GNG2: variants seen among roughly 807,000 people sequenced by gnomAD.
The protein encoded by GNG2 is guanine nucleotide-binding protein G(I)/G(S)/G(O) subunit gamma-2.
In GNG2, 5 loss-of-function variants were observed where a neutral mutation model predicts 5.5. The observed-to-expected ratio is 0.91, with a 90% CI of 0.48 to 1.92. The LOEUF is 1.92. Among genes scored for constraint, GNG2 ranks in the 30% most tolerant of loss-of-function variants. The pLI is 0.01. For synonymous variants in GNG2, 28 were observed against 32.0 expected (o/e 0.88, Z 0.42); for missense variants, 55 against 88.4 (o/e 0.62, Z 1.52).
At chr14:51,829,570 T>C (rs1000587141) in intron 2 of GNG2, among the ~76,000 whole-genome samples, 1 of 152,134 alleles carries the variant, frequency 6.6e-6, no homozygotes, top group African/African-American at 2.4e-5. Context: ...TCCTTATAAA[T>C]AAAAACCCTA....
intron 2 of GNG2, among the ~76,000 whole-genome samples, chr14:51,907,340 C>A (rs887154450): frequency 1.3e-5 from 2 of 152,146 alleles, no homozygotes; most frequent in African/African-American, 2.4e-5. Flanking sequence ...ATAAATCATC[C>A]TACAACTATT....
intron 3 of GNG2, chr14:51,952,121 A>G (rs1175697734): frequency 7.1e-6 from 4 of 566,892 alleles, no homozygotes; most frequent in Admixed American, 6.6e-5. Flanking sequence ...TACTTCTGCT[A>G]AGTCTCATCA....
intron 2 of GNG2, among the ~76,000 whole-genome samples, chr14:51,889,297 G>A (rs144961215): frequency 0.027 from 4,045 of 152,046 alleles, 71 homozygotes; most frequent in Non-Finnish European, 0.04. Context: ...ATTTTTAGTA[G>A]AGACGGGGTT....
intron 1 of GNG2, among the ~76,000 whole-genome samples, chr14:51,869,997 G>C (rs763382928): frequency 6.6e-5 from 10 of 152,182 alleles, no homozygotes; most frequent in Non-Finnish European, 1.0e-4. Flanking sequence ...CCCAGCAAAA[G>C]GGTCTGGTTC....
intron 2 of GNG2, among the ~76,000 whole-genome samples, chr14:51,909,373 C>T (rs1249442900): frequency 6.6e-6 from 1 of 152,156 alleles, no homozygotes; most frequent in African/African-American, 2.4e-5. Flanking sequence ...ATTAAAAATT[C>T]AACAGATATT....
Position 51,911,868 on chromosome 14 carries a change from T to G in GNG2, c.-30+34211T>G, listed in dbSNP as rs1481783428. Reference sequence around the variant, plus strand: ...CCATCCTGATAGCCTTTTCTTATGTTTTTTTTTTTTGTTGTTATTGTTAGA... The same window carrying G: ...CCATCCTGATAGCCTTTTCTTATGTGTTTTTTTTTTGTTGTTATTGTTAGA... On this transcript the variant is annotated intron_variant, in intron 2 of 3. Transcript: ENST00000556766. Among the ~76,000 whole-genome samples the G allele has an allele frequency of 5.5e-5, 6 of 109,540 alleles. 1 individual carries two copies. Among genetic ancestry groups the G allele is most frequent in the African/African-American group, 1.3e-4 (2 of 15,130 alleles). The allele number at this position is 109,540 out of a possible 152,430, so 71.9% of individuals were successfully genotyped here.
rs1889955798 is a variant in GNG2 at position 51,966,962 on chromosome 14, G to GACCCCCCCCCCCC, written c.*275_*276insACCCCCCCCCCCC. 9.4e-6 allele frequency: 1 copy of GACCCCCCCCCCCC among 106,128 alleles called. No individual in the cohort carries two copies. The highest frequency in any genetic ancestry group is 1.8e-5 in the Non-Finnish European group (1 of 54,570). The allele number at this position is 106,128 out of a possible 1,614,324, so 6.6% of individuals were successfully genotyped here. A position where few individuals can be genotyped will look rare whatever the true frequency, so the allele number is the denominator to read the frequency against. On this transcript the variant is annotated 3_prime_UTR_variant, in exon 4 of 4. Coordinates refer to ENST00000556766, the MANE Select transcript of GNG2 (RefSeq NM_053064.5). ...GTCACTTCTTTTCTGCTATCCCCCA[G>GACCCCCCCCCCCC]CCCCCCCCCCAAAATCCTCATGTTT...
chr14:51,887,858 AC>A (rs1884574750), intron 2 of GNG2, among the ~76,000 whole-genome samples: 2 of 152,332 alleles, frequency 1.3e-5, no homozygotes, highest in Admixed American at 1.3e-4. Flanking sequence ...TCATGCAAAT[AC>A]CTTTTTAGGA....
chr14:51,959,795 C>T (rs894939732), intron 3 of GNG2, among the ~76,000 whole-genome samples: 1 of 152,104 alleles, frequency 6.6e-6, no homozygotes, highest in Non-Finnish European at 1.5e-5. Flanking sequence ...CCTACCATCA[C>T]CAACACACTC....
Position 51,951,151 on chromosome 14 carries a change from C to T in GNG2, c.87+386C>T, listed in dbSNP as rs1400257237. On this transcript the variant is annotated intron_variant, in intron 3 of 3. Coordinates refer to ENST00000556766, the MANE Select transcript of GNG2 (RefSeq NM_053064.5). ...TGGTTCAGGTTCTAAGGCTAAATGT[C>T]CGTATTTTGGGTCTAACACTTCTAG... 6.6e-5 allele frequency among the ~76,000 whole-genome samples: 10 copies of T among 152,156 alleles called. No homozygotes were observed. The East Asian group carries it at 1.9e-3, about 29-fold the overall frequency.
intron 2 of GNG2, among the ~76,000 whole-genome samples, chr14:51,945,559 A>G (rs886948949): frequency 1.3e-5 from 2 of 152,160 alleles, no homozygotes; most frequent in African/African-American, 4.8e-5. Flanking sequence ...TTTGATGGGT[A>G]TAGAGTTTCA....
At chr14:51,906,757 C>CTTTTTTTTTTTTTTTTTTTTTTTTTT (rs34240079) in intron 2 of GNG2, among the ~76,000 whole-genome samples, 1 of 105,308 alleles carries the variant, frequency 9.5e-6, no homozygotes, top group African/African-American at 3.7e-5. Flanking sequence ...TGGAGAATCT[C>CTTTTTTTTTTTTTTTTTTTTTTTTTT]TTTTTTTTTT....
At chr14:51,884,855 A>G (rs1884339109) in intron 2 of GNG2, among the ~76,000 whole-genome samples, 1 of 152,172 alleles carries the variant, frequency 6.6e-6, no homozygotes, top group Non-Finnish European at 1.5e-5. Flanking sequence ...AGACCACGAT[A>G]GTTGGTTCAG....
At chr14:51,869,174 G>T (rs1883135055) in intron 1 of GNG2, among the ~76,000 whole-genome samples, 1 of 152,190 alleles carries the variant, frequency 6.6e-6, no homozygotes, top group Admixed American at 6.5e-5. Context: ...CATTCAGTTT[G>T]TGCTGGATAC....
rs147039564 is a variant in GNG2 at position 51,863,978 on chromosome 14, G to A, written c.-71+3188G>A. Among the ~76,000 whole-genome samples, 151 of 152,270 alleles carry A rather than the reference G, an allele frequency of 9.9e-4. 1 individual carries two copies. The highest frequency in any genetic ancestry group is 3.2e-3 in the African/African-American group (135 of 41,552). On this transcript the variant is annotated intron_variant, in intron 1 of 3. Transcript: ENST00000556766. ...GTAAATAATACTGCTATGAACACGG[G>A]TGTACAAATATCTGTTAGAGTCCCT... is the stretch of plus-strand genomic sequence containing the variant.
intron 2 of GNG2, chr14:51,939,872 G>A (rs933587254): frequency 3.3e-5 from 5 of 152,224 alleles, no homozygotes; most frequent in Admixed American, 3.3e-4. Flanking sequence ...AATGTGAATT[G>A]AGAAGAACTG....
intron 2 of GNG2, among the ~76,000 whole-genome samples, chr14:51,853,097 C>G (rs576612583): frequency 6.6e-6 from 1 of 152,142 alleles, no homozygotes; most frequent in Non-Finnish European, 1.5e-5. Flanking sequence ...TTCACTCATT[C>G]TCTTAAATTT....
chr14:51,846,839 C>T (rs1594832216), intron 2 of GNG2, among the ~76,000 whole-genome samples: 2 of 152,246 alleles, frequency 1.3e-5, no homozygotes, highest in South Asian at 2.1e-4. Context: ...CTTCCCTCCA[C>T]TTTTGTGTGA....
At chr14:51,836,128 T>C (rs2140073565) in intron 2 of GNG2, among the ~76,000 whole-genome samples, 1 of 152,036 alleles carries the variant, frequency 6.6e-6, no homozygotes, top group East Asian at 1.9e-4. Flanking sequence ...TACCTTCATT[T>C]GGCAGAGGAG....
Sources: allele counts gnomAD v4.1 joint callset (sites outside exome capture counted in the v4.1 genomes callset), GRCh38; gene constraint gnomAD v4.1.1; transcripts MANE v1.5; gene names NCBI Gene and HGNC (gene_info 2026-07-23, HGNC 2026-07-21).